The following TMEM132D variants were observed in gnomAD, a reference collection of about 807,000 sequenced individuals.
TMEM132D encodes mature OL transmembrane protein.
In TMEM132D, 21 loss-of-function variants were observed where a neutral mutation model predicts 62.3. The observed-to-expected ratio is 0.34, with a 90% confidence interval of 0.24 to 0.49. TMEM132D has a LOEUF of 0.49. TMEM132D is among the 20% of genes least tolerant of loss of function. The pLI is 0.99. For missense variants in TMEM132D, 1,346 were observed against 1,402.8 expected (o/e 0.96, Z 0.65); for synonymous variants, 621 against 575.6 (o/e 1.08, Z -1.13).
At chr12:129,118,937 C>T (rs1262318765) in intron 5 of TMEM132D, among the ~76,000 whole-genome samples, 6 of 152,190 alleles carry the variant, frequency 3.9e-5, no homozygotes, top group African/African-American at 7.2e-5. Context: ...CAACAGAGGG[C>T]CTTCTACAGG....
chr12:129,084,226 A>T (rs1463317157), intron 6 of TMEM132D, among the ~76,000 whole-genome samples: 2 of 152,152 alleles, frequency 1.3e-5, no homozygotes, highest in African/African-American at 4.8e-5. Flanking sequence ...CCCAGTGAGG[A>T]TAAGACTTAA....
At chr12:129,489,821 A>T (rs1874707019) in intron 3 of TMEM132D, among the ~76,000 whole-genome samples, 1 of 152,238 alleles carries the variant, frequency 6.6e-6, no homozygotes, top group Admixed American at 6.5e-5. Context: ...TTTGGTACAG[A>T]TTCTTCTAAA....
chr12:129,863,785 G>GT (rs1414079360), intron 1 of TMEM132D, among the ~76,000 whole-genome samples: 2 of 151,878 alleles, frequency 1.3e-5, no homozygotes, highest in African/African-American at 4.8e-5. Flanking sequence ...TTCTGTTTTT[G>GT]TTTTTTTGGG....
chr12:129,448,956 T>C (rs1168390582), intron 3 of TMEM132D, among the ~76,000 whole-genome samples: 1 of 152,262 alleles, frequency 6.6e-6, no homozygotes, highest in East Asian at 1.9e-4. Flanking sequence ...GTAGGTGTCC[T>C]GGATCTCTGA....
chr12:129,631,447 C>T (rs146821453), intron 2 of TMEM132D, among the ~76,000 whole-genome samples: 23 of 152,164 alleles, frequency 1.5e-4, no homozygotes, highest in Admixed American at 1.5e-3. Flanking sequence ...TCCAAAACAA[C>T]AGAGGAAACG....
intron 4 of TMEM132D, among the ~76,000 whole-genome samples, chr12:129,290,800 GAT>G (rs1881428840): frequency 6.6e-6 from 1 of 152,172 alleles, no homozygotes; most frequent in Non-Finnish European, 1.5e-5. Context: ...TCAACTGAAT[GAT>G]CTGTAACCCA....
chr12:129,108,853 C>T (rs765197694), intron 5 of TMEM132D, among the ~76,000 whole-genome samples: 26 of 152,288 alleles, frequency 1.7e-4, no homozygotes, highest in African/African-American at 4.8e-4. Context: ...CCCAATGCCT[C>T]GCTTCCGTAA....
At chr12:129,767,540 C>T (rs964933117) in intron 1 of TMEM132D, among the ~76,000 whole-genome samples, 2 of 152,220 alleles carry the variant, frequency 1.3e-5, no homozygotes, top group Non-Finnish European at 2.9e-5. Context: ...ACTCTACTTC[C>T]ATCTCCATGC....
intron 1 of TMEM132D, among the ~76,000 whole-genome samples, chr12:129,803,528 A>G (rs1293104624): frequency 2.6e-5 from 4 of 151,768 alleles, no homozygotes; most frequent in African/African-American, 7.3e-5. Context: ...TCTCTGGGAC[A>G]CATTCAAAGC....
At chr12:129,336,044 A>T (rs1313393121) in intron 4 of TMEM132D, among the ~76,000 whole-genome samples, 2 of 152,222 alleles carry the variant, frequency 1.3e-5, no homozygotes, top group East Asian at 3.9e-4. Flanking sequence ...AGAAGGAAAG[A>T]TGGGGCCTGG....
intron 5 of TMEM132D, among the ~76,000 whole-genome samples, chr12:129,198,123 A>G (rs1878598775): frequency 6.6e-6 from 1 of 152,224 alleles, no homozygotes; most frequent in African/African-American, 2.4e-5. Context: ...GCTATTATTA[A>G]GAATTGTTAA....
chr12:129,431,193 A>T (rs1261706805), intron 3 of TMEM132D, among the ~76,000 whole-genome samples: 1 of 152,190 alleles, frequency 6.6e-6, no homozygotes, highest in Non-Finnish European at 1.5e-5. Flanking sequence ...AGCTCCTGCC[A>T]TTATTCCCTG....
At chr12:129,476,315 G>C (rs1874254329) in intron 3 of TMEM132D, among the ~76,000 whole-genome samples, 1 of 152,330 alleles carries the variant, frequency 6.6e-6, no homozygotes. Context: ...AAGTATTGCT[G>C]TCAGGGATCA....
chr12:129,141,657 C>T (rs1213548436), intron 5 of TMEM132D, among the ~76,000 whole-genome samples: 1 of 152,008 alleles, frequency 6.6e-6, no homozygotes, highest in Non-Finnish European at 1.5e-5. Flanking sequence ...AGGCCTAATG[C>T]AGGAACAGAA....
chr12:129,816,430 C>T (rs557161830), intron 1 of TMEM132D, among the ~76,000 whole-genome samples: 19 of 152,240 alleles, frequency 1.2e-4, no homozygotes, highest in Non-Finnish European at 2.1e-4. Context: ...ACCATCGCCC[C>T]GCTTCTGAAA....
At chr12:129,265,830 C>T (rs974982157) in intron 4 of TMEM132D, among the ~76,000 whole-genome samples, 2 of 152,122 alleles carry the variant, frequency 1.3e-5, no homozygotes, top group East Asian at 1.9e-4. Context: ...TTTCTACCTC[C>T]TCCCCTCCCA....
At chr12:129,843,933 A>T (rs921909889) in intron 1 of TMEM132D, among the ~76,000 whole-genome samples, 6 of 103,950 alleles carry the variant, frequency 5.8e-5, no homozygotes, top group Non-Finnish European at 1.1e-4. Context: ...TACAAAAATT[A>T]AAAAAAAAAT....
In TMEM132D at chr12:129,074,380, A is replaced by C. The variant is rs962633895; in HGVS notation, c.2795T>G (p.Leu932Trp). ...GGTCACACAGTTTATCAAGAAGACC[A>C]AAATGGCCAAACAGAAGACTCCCAA... ...ALLGVFCLAI[L>W]VFLINCVTFA... Residue 932 changes from leucine to tryptophan, a missense_variant, in exon 9 of 9, where the codon TTG (leucine) becomes TGG (tryptophan). Leu to Trp is a moderately conservative substitution (Grantham distance 61). Coordinates refer to ENST00000422113, the MANE Select transcript of TMEM132D (RefSeq NM_133448.3). 3 of 1,613,966 alleles carry C rather than the reference A, an allele frequency of 1.9e-6. No homozygotes were observed. The highest frequency in any genetic ancestry group is 8.5e-7 in the Non-Finnish European group (1 of 1,180,036).
intron 1 of TMEM132D, among the ~76,000 whole-genome samples, chr12:129,854,064 A>G (rs1257237849): frequency 6.6e-6 from 1 of 152,116 alleles, no homozygotes; most frequent in Non-Finnish European, 1.5e-5. Context: ...CGGGGATACT[A>G]CTAATGCCCA....
Sources: gnomAD v4.1 joint callset for allele counts (sites outside exome capture counted in the v4.1 genomes callset) on GRCh38, gnomAD v4.1.1 for gene constraint, MANE v1.5 for transcripts, NCBI Gene and HGNC (gene_info 2026-07-23, HGNC 2026-07-21) for gene names.